FXYD7: variants seen among roughly 807,000 people sequenced by gnomAD.
The protein encoded by FXYD7 is FXYD domain containing ion transport regulator 7.
Under a neutral mutation model 15.3 loss-of-function variants are expected in FXYD7, and 7 were observed. The ratio of observed to expected loss-of-function variants is 0.46; its 90% CI spans 0.26 to 0.86. FXYD7 has a LOEUF of 0.86. FXYD7 is among the 40% of genes least tolerant of loss of function. The pLI, the probability that FXYD7 is intolerant of heterozygous loss-of-function variation, is 0.16. For synonymous variants in FXYD7, 39 were observed against 39.3 expected, an observed-to-expected ratio of 0.99 and a Z score of 0.03; for missense variants, 78 against 100.6, an observed-to-expected ratio of 0.78 and a Z score of 0.96.
chr19:35,152,646 G>A (rs912777178), intron 5 of FXYD7, among the ~76,000 whole-genome samples: 9 of 151,872 alleles, frequency 5.9e-5, no homozygotes, highest in Admixed American at 3.3e-4. Context: ...TGGAGAGGAC[G>A]GAGGTGTTGG....
rs1324890284 is a variant in FXYD7, at chr19:35,143,398, G to A, written c.31+34G>A. On this transcript the variant is annotated intron_variant, in intron 1 of 5. Coordinates refer to ENST00000270310, the MANE Select transcript of FXYD7 (RefSeq NM_022006.2). The surrounding 1 kb of genome is among the most constrained non-coding windows in gnomAD (Gnocchi z 4.3). The stretch of plus-strand genomic sequence containing the variant: ...CGTTTGGGGAGGGGGTTGCAGGGGG[G>A]CTCCGGGATCTGAGAGCCTAGGAGA... 5 of 1,478,810 alleles carry A rather than the reference G, an allele frequency of 3.4e-6. No homozygotes were observed. The highest frequency in any genetic ancestry group is 4.5e-6 in the Non-Finnish European group (5 of 1,108,496). The allele number at this position is 1,478,810 out of a possible 1,614,324, so 91.6% of individuals were successfully genotyped here.
chr19:35,148,743 A>G lies in FXYD7; in HGVS notation c.61+20A>G. ...ACTATGGTGAGTGTTGGATTTGGGG[A>G]TAGGGCTGGACTGGGGAGTAGCTGC... On this transcript the variant is annotated intron_variant, in intron 2 of 5. Transcript: ENST00000270310. 6.2e-7 allele frequency: 1 copy of G among 1,606,596 alleles called. No individual in the cohort carries two copies. The highest frequency in any genetic ancestry group is 8.5e-7 in the Non-Finnish European group (1 of 1,174,312).
Position 35,148,533 on chromosome 19 carries a change from C to T in FXYD7, c.32-161C>T, listed in dbSNP as rs540545954. Among the ~76,000 whole-genome samples, 160 of 152,316 alleles carry T rather than the reference C, an allele frequency of 1.1e-3. 1 individual carries two copies. Among genetic ancestry groups the T allele is most frequent in the African/African-American group, 3.7e-3 (153 of 41,562 alleles). On this transcript the variant is annotated intron_variant, in intron 1 of 5. Transcript: ENST00000270310. ...CTTGAGCTATGCTCTTCCAGCCTTG[C>T]GGCCTGCCATGAGGCCACATCATCC...
chr19:35,151,051 G>T lies in FXYD7; in HGVS notation c.62-203G>T, dbSNP rs553425705. 7.8e-4 allele frequency among the ~76,000 whole-genome samples: 119 copies of T among 152,006 alleles called. No individual in the cohort carries two copies. The South Asian group carries it at 0.024, about 31-fold the overall frequency. The stretch of plus-strand genomic sequence containing the variant: ...GGAGAGGGCAAGGGAGGAAAGTAGA[G>T]GGTACAGAGGGCAAGGGGAGCTAAC... On this transcript the variant is annotated intron_variant, in intron 2 of 5. Coordinates refer to ENST00000270310, the MANE Select transcript of FXYD7 (RefSeq NM_022006.2).
chr19:35,148,648 T>C (rs755590924), intron 1 of FXYD7, 46 bp from the exon 2 acceptor site: 1 of 1,488,604 alleles, frequency 6.7e-7, no homozygotes, highest in Non-Finnish European at 9.0e-7. Flanking sequence ...AAATACACTG[T>C]TAAGTTTTTT....
intron 1 of FXYD7, among the ~76,000 whole-genome samples, chr19:35,146,053 C>G (rs1261313823): frequency 1.3e-5 from 2 of 152,226 alleles, no homozygotes; most frequent in African/African-American, 4.8e-5. Context: ...CTTAGGATGA[C>G]AGGCGTGGGC....
At chr19:35,148,057 AAGAAAGAAAG>A (rs2065295953) in intron 1 of FXYD7, among the ~76,000 whole-genome samples, 1 of 143,126 alleles carries the variant, frequency 7.0e-6, no homozygotes, top group South Asian at 2.3e-4. Flanking sequence ...GAAAGAAAGA[AAGAAAGAAAG>A]AAAGAAAGAA....
At chr19:35,153,260 A>AC (rs1360264481) in intron 5 of FXYD7, among the ~76,000 whole-genome samples, 1 of 151,692 alleles carries the variant, frequency 6.6e-6, no homozygotes, top group Non-Finnish European at 1.5e-5. Flanking sequence ...GTGGTTCACC[A>AC]TTTTGGCCAG....
intron 5 of FXYD7, among the ~76,000 whole-genome samples, chr19:35,152,627 G>A (rs1431606136): frequency 1.3e-5 from 2 of 152,018 alleles, no homozygotes; most frequent in East Asian, 3.9e-4. Flanking sequence ...AGAACAGGAG[G>A]GGAGAGAGTG....
chr19:35,151,409 G>A (rs368921863), intron 3 of FXYD7, 31 bp from the exon 4 acceptor site: 3 of 1,613,140 alleles, frequency 1.9e-6, no homozygotes, highest in East Asian at 2.2e-5. Context: ...GCTATGTCCT[G>A]TCTTCTTGTT....
At chr19:35,144,755 G>A (rs2065283058) in intron 1 of FXYD7, among the ~76,000 whole-genome samples, 1 of 152,102 alleles carries the variant, frequency 6.6e-6, no homozygotes, top group African/African-American at 2.4e-5. Flanking sequence ...GTGGTTAGCA[G>A]GATCGATGGC....
chr19:35,153,835 T>G lies in FXYD7; in HGVS notation c.221-59T>G, dbSNP rs560278172. 6 of 1,542,940 alleles carry G rather than the reference T, an allele frequency of 3.9e-6. No individual in the cohort carries two copies. In the South Asian group the frequency reaches 5.6e-5, roughly 14 times the overall value. On this transcript the variant is annotated intron_variant, in intron 5 of 5. Transcript: ENST00000270310. ...GCCGGGGAATGGAGAGCCAACGAGC[T>G]GTGGGGAGGGAGGCAGTTTCCACCT... is the stretch of plus-strand genomic sequence containing the variant.
intron 1 of FXYD7, among the ~76,000 whole-genome samples, chr19:35,147,053 C>T (rs933245770): frequency 6.6e-6 from 1 of 152,314 alleles, no homozygotes. Flanking sequence ...TTCACGTATA[C>T]GTCCATCACA....
At chr19:35,151,533 A>G in intron 4 of FXYD7, 51 bp downstream of exon 4, 1 of 1,600,292 alleles carries the variant, frequency 6.2e-7, no homozygotes, top group Non-Finnish European at 8.6e-7. Flanking sequence ...GTGCCTCCCT[A>G]GCAGATGGGC....
chr19:35,143,457 A>C lies in FXYD7; in HGVS notation c.31+93A>C, dbSNP rs2065276741. ...CGGGAGATTCAAGCAATGGTAAGGCAAGGGAGTTGGGGGAGGGAGGTCCGC... is the reference window on the plus strand; with the variant it reads ...CGGGAGATTCAAGCAATGGTAAGGCCAGGGAGTTGGGGGAGGGAGGTCCGC... On this transcript the variant is annotated intron_variant, in intron 1 of 5. Transcript: ENST00000270310. This position sits in a 1 kb window ranked among gnomAD's most constrained non-coding sequence, Gnocchi z 4.3. 2.9e-6 allele frequency: 3 copies of C among 1,022,744 alleles called. No homozygotes were observed. The highest frequency in any genetic ancestry group is 4.1e-6 in the Non-Finnish European group (3 of 737,204). The allele number at this position is 1,022,744 out of a possible 1,614,324, so 63.4% of individuals were successfully genotyped here.
intron 2 of FXYD7, chr19:35,149,083 C>T: frequency 2.1e-6 from 1 of 484,848 alleles, no homozygotes; most frequent in South Asian, 1.5e-5. Context: ...CTTGGGCAAG[C>T]AACTTTGCCT....
chr19:35,153,873 A>C (rs542173291), intron 5 of FXYD7, 21 bp from the exon 6 acceptor site: 5 of 1,612,058 alleles, frequency 3.1e-6, no homozygotes, highest in Middle Eastern at 1.7e-4. Flanking sequence ...CTAGTGGCTC[A>C]CGCACCCCCT....
chr19:35,148,360 T>C (rs1323988822), intron 1 of FXYD7, among the ~76,000 whole-genome samples: 1 of 151,884 alleles, frequency 6.6e-6, no homozygotes, highest in Admixed American at 6.6e-5. Flanking sequence ...CAAGTGGGAG[T>C]GTGTCTGTGT....
chr19:35,151,747 C>T (rs967342364), intron 5 of FXYD7, 74 bp downstream of exon 5: 26 of 726,628 alleles, frequency 3.6e-5, no homozygotes, highest in South Asian at 3.2e-4. Flanking sequence ...GAAGGGAAGT[C>T]GCGGGGATGG....
Sources: allele counts gnomAD v4.1 joint callset (sites outside exome capture counted in the v4.1 genomes callset), GRCh38; gene constraint gnomAD v4.1.1; non-coding constraint Gnocchi (gnomAD v3.1); transcripts MANE v1.5; gene names NCBI Gene and HGNC (gene_info 2026-07-23, HGNC 2026-07-21).